The following SYNE1 variants were observed in gnomAD, a reference collection of about 807,000 sequenced individuals.
SYNE1 encodes the protein nesprin-1.
Under a neutral mutation model 1,111.0 loss-of-function variants are expected in SYNE1, and 616 were observed. That is an observed-to-expected ratio of 0.55 (90% CI 0.52 to 0.59). SYNE1 has a LOEUF of 0.59. Among genes scored for constraint, SYNE1 ranks in the 20% least tolerant of loss-of-function variants. The pLI, the probability that SYNE1 is intolerant of heterozygous loss-of-function variation, is 0.00. For synonymous variants in SYNE1, 3,855 were observed against 3,825.8 expected, an observed-to-expected ratio of 1.01 and a Z score of -0.28; for missense variants, 10,006 against 10,417.0, an observed-to-expected ratio of 0.96 and a Z score of 1.72.
chr6:152,590,538 A>C (rs1052782230), intron 3 of SYNE1, among the ~76,000 whole-genome samples: 3 of 152,050 alleles, frequency 2.0e-5, no homozygotes, highest in African/African-American at 7.2e-5. Flanking sequence ...TAGTTTCTAC[A>C]ATTATTACTT....
chr6:152,404,558 A>G (rs1592006425), intron 45 of SYNE1, among the ~76,000 whole-genome samples: 1 of 44,004 alleles, frequency 2.3e-5, no homozygotes, highest in African/African-American at 1.5e-4. Flanking sequence ...TTGTATTAGG[A>G]AAAAAAAACC....
At position 152,220,917 on chromosome 6, in the gene SYNE1, G is replaced by A. The variant is rs1009013145; in HGVS notation, c.21786C>T (p.Thr7262=). The A allele has an allele frequency of 1.9e-6, 3 of 1,614,042 alleles. No individual in the cohort carries two copies. Among genetic ancestry groups the A allele is most frequent in the Non-Finnish European group, 2.5e-6 (3 of 1,180,014 alleles). The stretch of plus-strand genomic sequence containing the variant: ...TTGTGGCTGCCTTCAACAGCTCATT[G>A]GTTCGATCCTCCTGCTGCTGAACTG... The part of the protein sequence containing the change: ...ASTVQQQEDR[T]NELLKAATNK... The change falls in exon 119 of 146, where the codon ACC becomes ACT. Residue 7262 remains threonine (T), a synonymous_variant. Transcript: ENST00000367255.
chr6:152,222,919 T>A (rs2080512478), intron 117 of SYNE1, among the ~76,000 whole-genome samples: 1 of 152,222 alleles, frequency 6.6e-6, no homozygotes, highest in Non-Finnish European at 1.5e-5. Context: ...ACCAAGCCTA[T>A]CTAAATAGTC....
At chr6:152,575,121 AG>A (rs2099491225) in intron 3 of SYNE1, among the ~76,000 whole-genome samples, 1 of 152,194 alleles carries the variant, frequency 6.6e-6, no homozygotes, top group Non-Finnish European at 1.5e-5. Flanking sequence ...ACAGTTGATG[AG>A]GTTTTCTCTA....
intron 2 of SYNE1, among the ~76,000 whole-genome samples, chr6:152,635,556 G>A (rs1270447257): frequency 6.6e-6 from 1 of 152,016 alleles, no homozygotes; most frequent in Admixed American, 6.5e-5. Flanking sequence ...GATTAAATTC[G>A]CATTTTATGA....
At chr6:152,135,817 G>A (rs35658027) in intron 141 of SYNE1, among the ~76,000 whole-genome samples, 41,996 of 151,868 alleles carry the variant, frequency 0.28, 6,015 homozygotes, top group South Asian at 0.38. Flanking sequence ...TTTCCATGGC[G>A]CTCAGAATAT....
intron 6 of SYNE1, among the ~76,000 whole-genome samples, chr6:152,514,785 A>G (rs1451780649): frequency 6.6e-6 from 1 of 152,156 alleles, no homozygotes; most frequent in Non-Finnish European, 1.5e-5. Flanking sequence ...GCTTCCCCAG[A>G]AAACAACCCT....
At chr6:152,138,102 C>T (rs765478696) in intron 140 of SYNE1, among the ~76,000 whole-genome samples, 3 of 152,152 alleles carry the variant, frequency 2.0e-5, no homozygotes, top group Non-Finnish European at 4.4e-5. Flanking sequence ...ATCTCTCTCA[C>T]GTGGTACTTT....
intron 127 of SYNE1, among the ~76,000 whole-genome samples, chr6:152,197,889 C>T (rs765599303): frequency 6.6e-5 from 10 of 152,100 alleles, no homozygotes; most frequent in African/African-American, 2.2e-4. Context: ...CTGAAGCTTT[C>T]GAGCCAGGCA....
intron 16 of SYNE1, among the ~76,000 whole-genome samples, chr6:152,469,460 C>T (rs1264264471): frequency 2.0e-5 from 3 of 152,084 alleles, no homozygotes; most frequent in African/African-American, 4.8e-5. Context: ...GGTATCTGCA[C>T]TTCATCAGTT....
At chr6:152,308,822 G>A (rs1384678341) in intron 90 of SYNE1, among the ~76,000 whole-genome samples, 190 bp from the exon 91 acceptor site, 1 of 152,154 alleles carries the variant, frequency 6.6e-6, no homozygotes, top group Non-Finnish European at 1.5e-5. Context: ...CTAAAATGTT[G>A]TAGCAAAATT....
chr6:152,549,711 T>G (rs188524445), intron 3 of SYNE1, among the ~76,000 whole-genome samples: 1 of 151,992 alleles, frequency 6.6e-6, no homozygotes, highest in African/African-American at 2.4e-5. Context: ...AAAAGATGAG[T>G]TAAGAGAATT....
chr6:152,225,366 A>G (rs1353994048), intron 116 of SYNE1, among the ~76,000 whole-genome samples: 1 of 152,026 alleles, frequency 6.6e-6, no homozygotes, highest in African/African-American at 2.4e-5. Flanking sequence ...TTCCTTCCTC[A>G]TAATTATTTA....
chr6:152,166,524 A>G (rs1486267392), intron 130 of SYNE1, among the ~76,000 whole-genome samples: 1 of 152,234 alleles, frequency 6.6e-6, no homozygotes, highest in Non-Finnish European at 1.5e-5. Flanking sequence ...AAAAGGATGC[A>G]AGTAAACACT....
rs111511993 is a variant in SYNE1 at position 152,331,113 on chromosome 6, G to A, written c.13572C>T (p.Val4524=). 722 of 1,614,060 alleles carry A rather than the reference G, an allele frequency of 4.5e-4. 3 individuals are homozygous for A. In the Middle Eastern group the frequency reaches 0.01, roughly 23 times the overall value. ...WAQGRELMKE[V]TEQEKSEVLG... ...GCACTTCACTCTTTTCCTGCTCTGT[G>A]ACTTCCTTCATTAGTTCGCGACCCT... The change falls in exon 78 of 146, where the codon GTC becomes GTT. Residue 4524 remains valine, a synonymous_variant. Transcript: ENST00000367255.
intron 93 of SYNE1, 90 bp from the exon 94 acceptor site, chr6:152,294,217 G>GCGACC: frequency 8.2e-7 from 1 of 1,221,832 alleles, no homozygotes; most frequent in South Asian, 1.7e-5. Context: ...TCAAGGAAAG[G>GCGACC]TTTCAGATCT....
At chr6:152,269,842 A>C (rs2093055158) in intron 98 of SYNE1, among the ~76,000 whole-genome samples, 1 of 152,204 alleles carries the variant, frequency 6.6e-6, no homozygotes, top group Non-Finnish European at 1.5e-5. Context: ...CTGTTCTGTA[A>C]GGCATCATAC....
At chr6:152,603,659 C>T in intron 3 of SYNE1, among the ~76,000 whole-genome samples, 1 of 151,088 alleles carries the variant, frequency 6.6e-6, no homozygotes. Context: ...AATTCATCTC[C>T]CTATTCTATA....
At chr6:152,197,477 A>G (rs1395602011) in intron 127 of SYNE1, among the ~76,000 whole-genome samples, 1 of 152,200 alleles carries the variant, frequency 6.6e-6, no homozygotes, top group East Asian at 1.9e-4. Flanking sequence ...ATAGCCTCAC[A>G]AAGTGTATTT....
Sources: allele counts gnomAD v4.1 joint callset (sites outside exome capture counted in the v4.1 genomes callset), GRCh38; gene constraint gnomAD v4.1.1; transcripts MANE v1.5; gene names NCBI Gene and HGNC (gene_info 2026-07-23, HGNC 2026-07-21).